LOXHD1: variants seen among roughly 807,000 people sequenced by gnomAD.
LOXHD1 encodes the protein lipoxygenase homology PLAT domains 1.
A neutral mutation model predicts 248.2 loss-of-function variants in LOXHD1; 205 were observed. The observed-to-expected ratio is 0.83, with a 90% CI of 0.74 to 0.93. The LOEUF (loss-of-function observed/expected upper bound fraction) is 0.93. LOXHD1 is among the 40% of genes least tolerant of loss of function. The pLI, the probability that LOXHD1 is intolerant of heterozygous loss-of-function variation, is 0.00. For missense variants in LOXHD1, 2,930 were observed against 2,971.6 expected (o/e 0.99, Z 0.33); for synonymous variants, 1,113 against 1,162.8 (o/e 0.96, Z 0.87).
intron 33 of LOXHD1, chr18:46,519,151 T>C: frequency 1.1e-6 from 1 of 949,366 alleles, no homozygotes; most frequent in Non-Finnish European, 1.3e-6. Flanking sequence ...AGATTCTTAC[T>C]CCCTTCCTTC....
At chr18:46,547,151 G>T in intron 21 of LOXHD1, 93 bp from the exon 22 acceptor site, 1 of 1,410,812 alleles carries the variant, frequency 7.1e-7, no homozygotes, top group South Asian at 1.3e-5. Context: ...CCCTCTATGG[G>T]GTCCCAAACT....
chr18:46,560,048 T>TGCCGGGCC, intron 19 of LOXHD1, 35 bp downstream of exon 19: 23 of 1,226,296 alleles, frequency 1.9e-5, no homozygotes, highest in South Asian at 2.9e-5. Flanking sequence ...GTCTGGCCAC[T>TGCCGGGCC]CCCTCCCCAC....
chr18:46,489,222 T>A, intron 37 of LOXHD1, 80 bp from the exon 38 acceptor site: 1 of 1,441,076 alleles, frequency 6.9e-7, no homozygotes, highest in Admixed American at 2.0e-5. Context: ...CCACAACCCA[T>A]TGGCTGTGTG....
chr18:46,577,144 T>C (rs1411749310), intron 14 of LOXHD1, among the ~76,000 whole-genome samples: 2 of 152,200 alleles, frequency 1.3e-5, no homozygotes, highest in Admixed American at 6.5e-5. Context: ...GCCACCATGA[T>C]GACATGAAAA....
At position 46,541,690 on chromosome 18, in the gene LOXHD1, A is replaced by G. The variant is rs1256929899; in HGVS notation, c.3913+86T>C. ...TCAAGGTGGGCCTGGCCCACAGTCA[A>G]TCCTGAAGGAAGAACTGGGGCTGAG... On this transcript the variant is annotated intron_variant, in intron 25 of 40. Transcript: ENST00000642948. 3 of 1,466,410 alleles carry G rather than the reference A, an allele frequency of 2.0e-6. No homozygotes were observed. In the African/African-American group the frequency reaches 4.2e-5, roughly 21 times the overall value. The allele number at this position is 1,466,410 out of a possible 1,614,324, so 90.8% of individuals were successfully genotyped here. A position where few individuals can be genotyped will look rare whatever the true frequency, so the allele number is the denominator to read the frequency against.
chr18:46,596,619 G>A (rs1211221329), intron 8 of LOXHD1, among the ~76,000 whole-genome samples: 1 of 152,120 alleles, frequency 6.6e-6, no homozygotes, highest in African/African-American at 2.4e-5. Context: ...TTTTGTCTTT[G>A]CTCCAGACAG....
In LOXHD1 at chr18:46,583,500, A is replaced by G. The variant is rs943979477; in HGVS notation, c.1655-3716T>C. Among the ~76,000 whole-genome samples the G allele has an allele frequency of 2.6e-5, 4 of 152,152 alleles. No individual in the cohort carries two copies. The East Asian group carries it at 5.8e-4, about 22-fold the overall frequency. Reference sequence around the variant, plus strand: ...ACAGCAAAAACAAACAAGCAAACTAATAACTCGATTAAGAAATTGGCTAAA... The same window carrying G: ...ACAGCAAAAACAAACAAGCAAACTAGTAACTCGATTAAGAAATTGGCTAAA... On this transcript the variant is annotated intron_variant, in intron 12 of 40. Transcript: ENST00000642948.
At chr18:46,539,489 G>T (rs139369104) in intron 25 of LOXHD1, among the ~76,000 whole-genome samples, 140 of 152,126 alleles carry the variant, frequency 9.2e-4, no homozygotes, top group African/African-American at 3.2e-3. Flanking sequence ...TGCAAAACCT[G>T]CCTTAGTTTC....
chr18:46,594,410 C>A lies in LOXHD1; in HGVS notation c.1191G>T (p.Trp397Cys), dbSNP rs201033524. The A allele has an allele frequency of 1.0e-4, 157 of 1,551,666 alleles. No homozygotes were observed. In the South Asian group the frequency reaches 1.7e-3, roughly 17 times the overall value. ...ACCCATCCGCTTTCTTCTCATCCAG[C>A]CAGTTGCTACAAGGGAAGGTCTGCT... Reference protein sequence around the residue: ...GIQQTFPCSNWLDEKKADGLI... With the variant: ...GIQQTFPCSNCLDEKKADGLI... The change falls in exon 9 of 41, where the codon TGG (tryptophan) becomes TGT (cysteine). Residue 397 changes from tryptophan (W) to cysteine (C), a missense_variant. Physicochemically the swap from Trp to Cys is radical, Grantham distance 215 (BLOSUM62 -2). Coordinates refer to ENST00000642948, the MANE Select transcript of LOXHD1 (RefSeq NM_001384474.1).
At chr18:46,632,299 C>G (rs931103356) in intron 4 of LOXHD1, among the ~76,000 whole-genome samples, 1 of 152,182 alleles carries the variant, frequency 6.6e-6, no homozygotes, top group African/African-American at 2.4e-5. Context: ...CCATGATGCT[C>G]TACAGTCTCC....
chr18:46,566,517 C>T, intron 16 of LOXHD1, 68 bp from the exon 17 acceptor site: 2 of 1,350,678 alleles, frequency 1.5e-6, no homozygotes, highest in Non-Finnish European at 2.0e-6. Context: ...CCCATCCCTA[C>T]CTCCCCAAAC....
chr18:46,621,218 T>G (rs1406015002), intron 4 of LOXHD1, among the ~76,000 whole-genome samples: 2 of 152,154 alleles, frequency 1.3e-5, no homozygotes, highest in Non-Finnish European at 2.9e-5. Flanking sequence ...GTGTGACAGG[T>G]GACTGCCAAT....
At chr18:46,494,869 T>TTTTTTTTTTTTTTTTC (rs2033743432) in intron 37 of LOXHD1, among the ~76,000 whole-genome samples, 1 of 120,816 alleles carries the variant, frequency 8.3e-6, no homozygotes. Flanking sequence ...TTTTTTTTTT[T>TTTTTTTTTTTTTTTTC]TTGAGACAGA....
At chr18:46,575,015 C>CTGCAGT (rs2037827977) in intron 14 of LOXHD1, among the ~76,000 whole-genome samples, 1 of 152,232 alleles carries the variant, frequency 6.6e-6, no homozygotes, top group African/African-American at 2.4e-5. Flanking sequence ...AAAGGATCCC[C>CTGCAGT]TGCAGTTCCC....
At chr18:46,620,388 G>T (rs560155197) in intron 4 of LOXHD1, among the ~76,000 whole-genome samples, 3 of 152,292 alleles carry the variant, frequency 2.0e-5, no homozygotes, top group Non-Finnish European at 4.4e-5. Flanking sequence ...GGTTGCATCA[G>T]TCCATTGGAA....
At chr18:46,540,545 TAGG>T (rs1174260131) in intron 25 of LOXHD1, among the ~76,000 whole-genome samples, 1 of 152,044 alleles carries the variant, frequency 6.6e-6, no homozygotes, top group Non-Finnish European at 1.5e-5. Flanking sequence ...TGGCCAGCAG[TAGG>T]AGAACCCCTG....
At chr18:46,504,756 G>A (rs2034453611) in intron 37 of LOXHD1, among the ~76,000 whole-genome samples, 1 of 152,224 alleles carries the variant, frequency 6.6e-6, no homozygotes, top group African/African-American at 2.4e-5. Context: ...GAAGAAGTGA[G>A]GAACAACACA....
chr18:46,512,884 C>G (rs2035049144), intron 34 of LOXHD1, among the ~76,000 whole-genome samples: 1 of 152,162 alleles, frequency 6.6e-6, no homozygotes, highest in South Asian at 2.1e-4. Context: ...CAATCACACT[C>G]AACAGCTCAG....
chr18:46,654,956 ACT>A (rs1027575612), intron 1 of LOXHD1, among the ~76,000 whole-genome samples: 1 of 152,042 alleles, frequency 6.6e-6, no homozygotes, highest in African/African-American at 2.4e-5. Context: ...TCAAATCCTA[ACT>A]CTGCTATTTG....
Sources: allele counts gnomAD v4.1 joint callset (sites outside exome capture counted in the v4.1 genomes callset), GRCh38; gene constraint gnomAD v4.1.1; transcripts MANE v1.5; gene names NCBI Gene and HGNC (gene_info 2026-07-23, HGNC 2026-07-21).